The following SCFD2 variants were observed in gnomAD, a reference collection of about 807,000 sequenced individuals.
The protein encoded by SCFD2 is sec1 family domain containing 2, also known as sec1 family domain-containing protein 2.
SCFD2 carries 54 observed loss-of-function variants against 58.9 expected under a neutral mutation model. The observed-to-expected ratio is 0.92, with a 90% confidence interval of 0.74 to 1.15. The LOEUF is 1.15. Ranked by LOEUF, SCFD2 falls within the 50% of genes most tolerant of loss-of-function variation. The pLI is 0.00. For synonymous variants in SCFD2, 321 were observed against 335.9 expected, an observed-to-expected ratio of 0.96 and a Z score of 0.49; for missense variants, 805 against 836.6, an observed-to-expected ratio of 0.96 and a Z score of 0.47.
At chr4:53,030,935 A>C (rs529930516) in intron 5 of SCFD2, among the ~76,000 whole-genome samples, 1 of 152,240 alleles carries the variant, frequency 6.6e-6, no homozygotes, top group African/African-American at 2.4e-5. Flanking sequence ...ACACAGCAGA[A>C]GACTTCTTTT....
At chr4:52,998,720 C>A (rs559023024) in intron 5 of SCFD2, among the ~76,000 whole-genome samples, 45 of 152,028 alleles carry the variant, frequency 3.0e-4, no homozygotes, top group Non-Finnish European at 5.9e-4. Flanking sequence ...AAATGGACTG[C>A]GCATTTACTC....
In SCFD2 at chr4:52,874,043, G is replaced by C. The variant is rs143013352; in HGVS notation, c.1981C>G (p.Arg661Gly). 5.0e-6 allele frequency: 8 copies of C among 1,613,594 alleles called. No homozygotes were observed. Among genetic ancestry groups the C allele is most frequent in the Non-Finnish European group, 6.8e-6 (8 of 1,179,632 alleles). The change falls in exon 9 of 9, where the codon CGA becomes GGA. Residue 661 changes from arginine (R) to glycine (G), a missense_variant. Arg to Gly is a moderately radical substitution (Grantham distance 125). Transcript: ENST00000401642. ...GGAATGTTAAGTGGCTTCAGGAGTC[G>C]TGTGGACAGCACGATTACCTAACAA... ...PGTQVIVLST[R>G]LLKPLNIPEL...
intron 8 of SCFD2, 107 bp downstream of exon 8, chr4:52,885,640 G>T: frequency 1.5e-6 from 2 of 1,320,114 alleles, no homozygotes; most frequent in Non-Finnish European, 2.1e-6. Context: ...AGGGTGATGG[G>T]CAGGCAGGCT....
intron 5 of SCFD2, among the ~76,000 whole-genome samples, chr4:53,105,656 G>A (rs1724972829): frequency 6.6e-6 from 1 of 152,184 alleles, no homozygotes; most frequent in Non-Finnish European, 1.5e-5. Flanking sequence ...CTTTGGGCAG[G>A]GCATGTCTGA....
intron 6 of SCFD2, among the ~76,000 whole-genome samples, chr4:52,913,804 T>C (rs1211623980): frequency 6.6e-6 from 1 of 152,174 alleles, no homozygotes; most frequent in African/African-American, 2.4e-5. Flanking sequence ...AGAGAGAGTA[T>C]GAAGGATTTC....
At chr4:53,118,025 C>T (rs2148889749) in intron 5 of SCFD2, among the ~76,000 whole-genome samples, 1 of 152,278 alleles carries the variant, frequency 6.6e-6, no homozygotes, top group East Asian at 1.9e-4. Context: ...TCACCCAAAA[C>T]AACCCCACAT....
At chr4:52,989,032 T>G (rs984799276) in intron 5 of SCFD2, among the ~76,000 whole-genome samples, 2 of 152,184 alleles carry the variant, frequency 1.3e-5, no homozygotes, top group African/African-American at 4.8e-5. Flanking sequence ...TGGCAGTATC[T>G]CCATTTTATA....
chr4:53,044,467 G>C (rs768046552), intron 5 of SCFD2, among the ~76,000 whole-genome samples: 4 of 149,648 alleles, frequency 2.7e-5, no homozygotes, highest in Non-Finnish European at 5.9e-5. Context: ...ACACTTTTTG[G>C]GGTTCCACAT....
At position 53,218,621 on chromosome 4, in the gene SCFD2, T is replaced by C. The variant is rs185447759; in HGVS notation, c.1311+55205A>G. ...TTTAGCTCAGAGAAGTTTGATCGTCTGAAGCCTTCTTCTCTCAACTCGTCA... is the reference window on the plus strand; with the variant it reads ...TTTAGCTCAGAGAAGTTTGATCGTCCGAAGCCTTCTTCTCTCAACTCGTCA... On this transcript the variant is annotated intron_variant, in intron 4 of 8. Coordinates refer to ENST00000401642, the MANE Select transcript of SCFD2 (RefSeq NM_152540.4). 1.2e-4 allele frequency among the ~76,000 whole-genome samples: 18 copies of C among 152,360 alleles called. No homozygotes were observed. In the East Asian group the frequency reaches 3.1e-3, roughly 26 times the overall value.
At chr4:53,299,666 T>A (rs1377624468) in intron 3 of SCFD2, among the ~76,000 whole-genome samples, 2 of 151,840 alleles carry the variant, frequency 1.3e-5, no homozygotes, top group African/African-American at 4.8e-5. Context: ...AAAGTTGAAA[T>A]GAAGGAAAAA....
At chr4:53,351,347 C>T (rs1560461594) in intron 2 of SCFD2, among the ~76,000 whole-genome samples, 1 of 152,132 alleles carries the variant, frequency 6.6e-6, no homozygotes. Context: ...TAAAGCAGTG[C>T]CACTTCCTCA....
chr4:52,927,779 G>A (rs1424256677), intron 5 of SCFD2, among the ~76,000 whole-genome samples: 1 of 152,166 alleles, frequency 6.6e-6, no homozygotes, highest in African/African-American at 2.4e-5. Flanking sequence ...ATTGGTCAGG[G>A]TTTTGGCATT....
intron 5 of SCFD2, among the ~76,000 whole-genome samples, chr4:53,141,889 T>C (rs1726177577): frequency 6.6e-6 from 1 of 152,142 alleles, no homozygotes; most frequent in Admixed American, 6.5e-5. Flanking sequence ...ATTATTATAG[T>C]TCTATCCCGG....
intron 4 of SCFD2, among the ~76,000 whole-genome samples, chr4:53,242,040 C>G (rs1038910520): frequency 3.9e-5 from 6 of 152,268 alleles, no homozygotes; most frequent in African/African-American, 1.2e-4. Flanking sequence ...CCCACACAAG[C>G]TGTGCTGCCA....
At chr4:53,001,004 G>C (rs1287198948) in intron 5 of SCFD2, among the ~76,000 whole-genome samples, 1 of 152,180 alleles carries the variant, frequency 6.6e-6, no homozygotes, top group African/African-American at 2.4e-5. Flanking sequence ...AATTAGATTA[G>C]AGTAAACACT....
At chr4:53,219,499 G>A (rs181259597) in intron 4 of SCFD2, among the ~76,000 whole-genome samples, 5 of 152,280 alleles carry the variant, frequency 3.3e-5, no homozygotes, top group African/African-American at 9.6e-5. Context: ...ACAGTATTAC[G>A]GTGGGAGTGA....
At chr4:52,977,710 T>C (rs184221572) in intron 5 of SCFD2, among the ~76,000 whole-genome samples, 1 of 152,126 alleles carries the variant, frequency 6.6e-6, no homozygotes, top group African/African-American at 2.4e-5. Flanking sequence ...AATATGAACA[T>C]ATAATAAAGA....
intron 5 of SCFD2, among the ~76,000 whole-genome samples, chr4:53,079,997 C>G (rs1724093799): frequency 6.6e-6 from 1 of 152,072 alleles, no homozygotes; most frequent in South Asian, 2.1e-4. Flanking sequence ...TTACGTATTC[C>G]TGTTGTGTAA....
At chr4:53,145,684 T>C (rs1726308745) in intron 4 of SCFD2, 102 bp from the exon 5 acceptor site, 2 of 1,026,020 alleles carry the variant, frequency 1.9e-6, no homozygotes, top group Non-Finnish European at 2.9e-6. Flanking sequence ...CTGTATATGA[T>C]ATTTACTGAC....
Sources: allele counts gnomAD v4.1 joint callset (sites outside exome capture counted in the v4.1 genomes callset), GRCh38; gene constraint gnomAD v4.1.1; transcripts MANE v1.5; gene names NCBI Gene and HGNC (gene_info 2026-07-23, HGNC 2026-07-21).